CSPG4: variants seen among roughly 807,000 people sequenced by gnomAD.
The protein encoded by CSPG4 is chondroitin sulfate proteoglycan 4, also known as chondroitin sulfate proteoglycan 4 (melanoma-associated).
A neutral mutation model predicts 139.3 loss-of-function variants in CSPG4; 74 were observed. The ratio of observed to expected loss-of-function variants is 0.53; its 90% confidence interval spans 0.44 to 0.64. The LOEUF (loss-of-function observed/expected upper bound fraction) is 0.64. Ranked by LOEUF, CSPG4 falls within the 30% of genes least tolerant of loss-of-function variation. The pLI, the probability that CSPG4 is intolerant of heterozygous loss-of-function variation, is 0.00. For missense variants in CSPG4, 2,565 were observed against 3,148.3 expected (o/e 0.81, Z 4.43); for synonymous variants, 1,234 against 1,394.2 (o/e 0.89, Z 2.56).
rs1424922594 is a variant in CSPG4 at position 75,689,980 on chromosome 15, C to G, written c.1085G>C (p.Gly362Ala). 28 of 1,611,862 alleles carry G rather than the reference C, an allele frequency of 1.7e-5. No homozygotes were observed. The highest frequency in any genetic ancestry group is 2.3e-5 in the Non-Finnish European group (27 of 1,179,582). The change falls in exon 3 of 10, where the codon GGC (glycine) becomes GCC (alanine). Residue 362 changes from glycine (G) to alanine (A), a missense_variant. Gly to Ala is a moderately conservative substitution (Grantham distance 60). This residue lies in a region of CSPG4 where 2,316 missense variants were observed against 2,818.2 expected (regional missense o/e 0.82). Coordinates refer to ENST00000308508, the MANE Select transcript of CSPG4 (RefSeq NM_001897.5). The stretch of plus-strand genomic sequence containing the variant: ...AGCTTCCCGCAGCCCCCGCCTCTGG[C>G]CATTGACACTGAGGTCTTCCATGCA... The part of the protein sequence containing the change: ...LGCMEDLSVN[G>A]QRRGLREALL...
At chr15:75,695,634 A>C (rs1894216186) in intron 1 of CSPG4, among the ~76,000 whole-genome samples, 1 of 152,120 alleles carries the variant, frequency 6.6e-6, no homozygotes, top group Non-Finnish European at 1.5e-5. Flanking sequence ...CTTCAGTTGC[A>C]AGAACTCAGA....
rs748183965 is a variant in CSPG4, at chr15:75,690,049, C to T, written c.1016G>A (p.Arg339His). ...AEASRHLQEHRLGLTPEATNA... is the reference protein window; with the variant it reads ...AEASRHLQEHHLGLTPEATNA... Reference sequence around the variant, plus strand: ...GGTGGCCTCTGGTGTCAGGCCCAGGCGGTGTTCCTGGAGGTGACGAGAGGC... The same window carrying T: ...GGTGGCCTCTGGTGTCAGGCCCAGGTGGTGTTCCTGGAGGTGACGAGAGGC... Residue 339 changes from arginine to histidine, a missense_variant, in exon 3 of 10, where the codon CGC becomes CAC. Arg to His is a conservative substitution (Grantham distance 29, BLOSUM62 0). Around this residue, in one of 5 missense-constraint regions of CSPG4, gnomAD observed 2,316 missense variants for 2,818.2 expected, o/e 0.82. Coordinates refer to ENST00000308508, the MANE Select transcript of CSPG4 (RefSeq NM_001897.5). The T allele has an allele frequency of 3.1e-6, 5 of 1,611,532 alleles. No individual in the cohort carries two copies. Among genetic ancestry groups the T allele is most frequent in the South Asian group, 2.2e-5 (2 of 90,716 alleles).
chr15:75,675,563 T>C lies in CSPG4; in HGVS notation c.6956A>G (p.Gln2319Arg). The change falls in exon 10 of 10, where the codon CAG (glutamine) becomes CGG (arginine). Residue 2319 changes from glutamine (Q) to arginine (R), a missense_variant. This residue lies in a region of CSPG4 where 2,316 missense variants were observed against 2,818.2 expected (regional missense o/e 0.82). Transcript: ENST00000308508. ...RTPNPALKNG[Q>R]YWV ...CCAGGCCAGGCCTCACACCCAGTAC[T>C]GGCCATTCTTAAGGGCAGGGTTGGG... is the stretch of plus-strand genomic sequence containing the variant. 1 of 1,507,514 alleles carries C rather than the reference T, an allele frequency of 6.6e-7. No individual in the cohort carries two copies. Among genetic ancestry groups the C allele is most frequent in the South Asian group, 1.4e-5 (1 of 73,858 alleles). 93.4% of individuals were successfully genotyped at this position (1,507,514 alleles called of 1,614,324 possible). A position where few individuals can be genotyped will look rare whatever the true frequency, so the allele number is the denominator to read the frequency against.
chr15:75,699,197 T>TG (rs1384866850), intron 1 of CSPG4, among the ~76,000 whole-genome samples: 4 of 152,172 alleles, frequency 2.6e-5, no homozygotes, highest in Non-Finnish European at 4.4e-5. Flanking sequence ...TTTATCCCAG[T>TG]GGGGTGCTGG....
chr15:75,708,411 C>T (rs1323925930), intron 1 of CSPG4, among the ~76,000 whole-genome samples: 1 of 134,780 alleles, frequency 7.4e-6, no homozygotes, highest in Non-Finnish European at 1.6e-5. Context: ...GCAACCCTAG[C>T]TTTGGGGGGA....
chr15:75,702,001 T>C (rs973275448), intron 1 of CSPG4, among the ~76,000 whole-genome samples: 7 of 152,232 alleles, frequency 4.6e-5, no homozygotes, highest in Non-Finnish European at 1.0e-4. Flanking sequence ...CCCTGGTCCA[T>C]CCATAAGGCG....
In CSPG4 at chr15:75,676,840, G is replaced by A; in HGVS notation, c.5679C>T (p.Arg1893=). The stretch of plus-strand genomic sequence containing the variant: ...CTGAATCCACATCGGCTTGCGTGAA[G>A]CGGGTCACGGGCCCCAGGCCACCAC... ...LVGGGLGPVT[R]FTQADVDSGR... The change falls in exon 10 of 10, where the codon CGC becomes CGT. Residue 1893 remains arginine, a synonymous_variant. Transcript: ENST00000308508. 1 of 1,558,144 alleles carries A rather than the reference G, an allele frequency of 6.4e-7. No homozygotes were observed. Among genetic ancestry groups the A allele is most frequent in the African/African-American group, 1.4e-5 (1 of 73,612 alleles).
chr15:75,712,822 A>T lies in CSPG4; in HGVS notation c.-67T>A. The T allele has an allele frequency of 7.3e-7, 1 of 1,378,496 alleles. No homozygotes were observed. Among genetic ancestry groups the T allele is most frequent in the South Asian group, 1.4e-5 (1 of 70,724 alleles). The allele number at this position is 1,378,496 out of a possible 1,614,324, so 85.4% of individuals were successfully genotyped here. On this transcript the variant is annotated 5_prime_UTR_variant, in exon 1 of 10. Coordinates refer to ENST00000308508, the MANE Select transcript of CSPG4 (RefSeq NM_001897.5). Reference sequence around the variant, plus strand: ...GTCCTGGGAGCTGGGAGCTGAGTGGAGCGAGCGCGGCTCTGCTCCTGGGCG... The same window carrying T: ...GTCCTGGGAGCTGGGAGCTGAGTGGTGCGAGCGCGGCTCTGCTCCTGGGCG...
At chr15:75,690,992 T>A (rs183682508) in intron 2 of CSPG4, among the ~76,000 whole-genome samples, 180 bp from the exon 3 acceptor site, 1 of 152,254 alleles carries the variant, frequency 6.6e-6, no homozygotes, top group East Asian at 1.9e-4. Flanking sequence ...CTGGCCAACA[T>A]GGAGAAACCC....
chr15:75,712,212 C>T (rs1383776408), intron 1 of CSPG4, among the ~76,000 whole-genome samples: 4 of 148,776 alleles, frequency 2.7e-5, no homozygotes, highest in Admixed American at 2.0e-4. Flanking sequence ...TGGCTCATTC[C>T]TCGTTTCCCA....
intron 1 of CSPG4, among the ~76,000 whole-genome samples, chr15:75,700,613 G>A (rs1263801190): frequency 6.6e-6 from 1 of 152,156 alleles, no homozygotes; most frequent in Non-Finnish European, 1.5e-5. Context: ...GCTGCCCCCA[G>A]GAGGCTGAGG....
intron 1 of CSPG4, 57 bp downstream of exon 1, chr15:75,712,611 C>T: frequency 2.0e-6 from 3 of 1,495,234 alleles, no homozygotes; most frequent in South Asian, 2.4e-5. Flanking sequence ...TTTTCCCTCC[C>T]GGAGGAACCC....
chr15:75,688,746 C>G lies in CSPG4; in HGVS notation c.2319G>C (p.Leu773=), dbSNP rs1359881934. The G allele has an allele frequency of 6.2e-7, 1 of 1,612,328 alleles. No individual in the cohort carries two copies. Among genetic ancestry groups the G allele is most frequent in the Non-Finnish European group, 8.5e-7 (1 of 1,179,590 alleles). ...VQVGQEILSN[L]SFPVTIQRAT... is the part of the protein sequence containing the mutation. ...CTCTCTGGATGGTCACTGGGAAGGACAGATTGCTCAGGATCTCCTGGCCCA... is the reference window on the plus strand; with the variant it reads ...CTCTCTGGATGGTCACTGGGAAGGAGAGATTGCTCAGGATCTCCTGGCCCA... Residue 773 remains leucine (L), a synonymous_variant, in exon 3 of 10, where the codon CTG becomes CTC. Transcript: ENST00000308508.
At chr15:75,684,990 G>A (rs1894033567) in intron 4 of CSPG4, 78 bp from the exon 5 acceptor site, 1 of 1,434,108 alleles carries the variant, frequency 7.0e-7, no homozygotes, top group Non-Finnish European at 9.7e-7. Flanking sequence ...GGAGGAGACT[G>A]ACTCTTTTAG....
rs1410506135 is a variant in CSPG4 at position 75,689,241 on chromosome 15, C to T, written c.1824G>A (p.Gln608=). ...AGAACTCGGTCGCCGGCTCCCCAGGCTGGTCTCGGCGCTCCACGGGGAGGC... is the reference window on the plus strand; with the variant it reads ...AGAACTCGGTCGCCGGCTCCCCAGGTTGGTCTCGGCGCTCCACGGGGAGGC... The part of the protein sequence containing the change: ...SSGLPVERRD[Q]PGEPATEFSC... The change falls in exon 3 of 10, where the codon CAG becomes CAA. Residue 608 remains glutamine, a synonymous_variant. Transcript: ENST00000308508. 3 of 1,610,366 alleles carry T rather than the reference C, an allele frequency of 1.9e-6. No homozygotes were observed. The highest frequency in any genetic ancestry group is 2.5e-6 in the Non-Finnish European group (3 of 1,179,586).
In CSPG4 at chr15:75,696,118, A is replaced by T. The variant is rs2141434324; in HGVS notation, c.89-2885T>A. 6.6e-6 allele frequency among the ~76,000 whole-genome samples: 1 copy of T among 152,314 alleles called. No individual in the cohort carries two copies. The highest frequency in any genetic ancestry group is 3.4e-3 in the Middle Eastern group (1 of 294). On this transcript the variant is annotated intron_variant, in intron 1 of 9. Transcript: ENST00000308508. This position sits in a 1 kb window ranked among gnomAD's most constrained non-coding sequence, Gnocchi z 4.2. ...AGCCCCATGGGCTGCCCTCTGAGCC[A>T]GGAGAAGGGGCCCACTTCAGGCCTC...
intron 1 of CSPG4, among the ~76,000 whole-genome samples, chr15:75,697,007 G>A (rs1005890875): frequency 2.0e-5 from 3 of 152,190 alleles, no homozygotes; most frequent in South Asian, 2.1e-4. Flanking sequence ...ACCAGGCTCC[G>A]GGGACAAGGA....
At position 75,685,427 on chromosome 15, in the gene CSPG4, G is replaced by A. The variant is rs778520026; in HGVS notation, c.4064C>T (p.Pro1355Leu). The A allele has an allele frequency of 6.2e-7, 1 of 1,612,228 alleles. No homozygotes were observed. Among genetic ancestry groups the A allele is most frequent in the Non-Finnish European group, 8.5e-7 (1 of 1,179,890 alleles). ...EGVLVELEVLPAAIPLEAQNF... is the reference protein window; with the variant it reads ...EGVLVELEVLLAAIPLEAQNF... ...TTGCGCCTCTAGTGGGATGGCAGCG[G>A]GCAGCACCTCCAGCTCCACAAGGAC... Residue 1355 changes from proline (P) to leucine (L), a missense_variant, in exon 4 of 10, where the codon CCC becomes CTC. By Grantham distance (98) the Pro-to-Leu change is moderately conservative. Coordinates refer to ENST00000308508, the MANE Select transcript of CSPG4 (RefSeq NM_001897.5).
intron 1 of CSPG4, among the ~76,000 whole-genome samples, chr15:75,711,873 A>G (rs187271918): frequency 6.6e-6 from 1 of 152,320 alleles, no homozygotes; most frequent in African/African-American, 2.4e-5. Flanking sequence ...GAGAGGGGAT[A>G]TATCCCAGCA....
Sources: gnomAD v4.1 joint callset for allele counts (sites outside exome capture counted in the v4.1 genomes callset) on GRCh38, gnomAD v4.1.1 for gene constraint, gnomAD v4.1.1 regional missense constraint, Gnocchi (gnomAD v3.1) non-coding constraint, MANE v1.5 for transcripts, NCBI Gene and HGNC (gene_info 2026-07-23, HGNC 2026-07-21) for gene names.